INSL6: variants seen among roughly 807,000 people sequenced by gnomAD.
INSL6 encodes insulin-like peptide INSL6.
INSL6 carries 16 observed loss-of-function variants against 9.4 expected under a neutral mutation model. The ratio of observed to expected loss-of-function variants is 1.70; its 90% CI spans 1.15 to 2.59. INSL6 has a LOEUF of 2.59. Ranked by LOEUF, INSL6 falls within the 30% of genes most tolerant of loss-of-function variation. INSL6 has a pLI of 0.00. For synonymous variants in INSL6, 154 were observed against 96.9 expected (o/e 1.59, Z -3.46); for missense variants, 391 against 257.3 (o/e 1.52, Z -3.56).
intron 3 of INSL6, among the ~76,000 whole-genome samples, chr9:5,125,617 G>A (rs1455644531): frequency 6.9e-6 from 1 of 145,946 alleles, no homozygotes; most frequent in African/African-American, 2.6e-5. Context: ...TATCTCAACA[G>A]CAATGCATAG....
chr9:5,039,963 C>A, the INSL6 span, among the ~76,000 whole-genome samples: 1 of 152,080 alleles, frequency 6.6e-6, no homozygotes. Flanking sequence ...ACAGGTTAAT[C>A]ATAAATTTAT....
the INSL6 span, chr9:5,100,140 T>G: frequency 2.6e-5 from 4 of 152,244 alleles, no homozygotes; most frequent in African/African-American, 9.6e-5. Context: ...CTTTTATTAT[T>G]CTAATCCTAC....
chr9:5,093,261 C>A, the INSL6 span, among the ~76,000 whole-genome samples: 1 of 152,130 alleles, frequency 6.6e-6, no homozygotes, highest in Non-Finnish European at 1.5e-5. Context: ...AAAAGGAACT[C>A]GGCAAATCTT....
the INSL6 span, among the ~76,000 whole-genome samples, chr9:5,079,414 G>C: frequency 6.6e-6 from 1 of 151,936 alleles, no homozygotes; most frequent in Non-Finnish European, 1.5e-5. Context: ...TTTGAGCAGA[G>C]CCCACCTATA....
chr9:5,106,198 T>C, the INSL6 span, among the ~76,000 whole-genome samples: 1 of 151,910 alleles, frequency 6.6e-6, no homozygotes, highest in African/African-American at 2.4e-5. Context: ...TACAAAGAAA[T>C]TTACAAGAAA....
chr9:5,116,972 T>C, the INSL6 span, among the ~76,000 whole-genome samples: 18 of 152,194 alleles, frequency 1.2e-4, no homozygotes, highest in South Asian at 2.1e-4. Context: ...ATTTCAACGA[T>C]TGGTTGAATT....
the INSL6 span, among the ~76,000 whole-genome samples, chr9:5,091,984 G>A: frequency 1.1e-4 from 17 of 152,228 alleles, no homozygotes; most frequent in South Asian, 4.1e-4. Flanking sequence ...GGAATCCGGC[G>A]AAGATACTGC....
At chr9:5,153,858 G>A (rs1427139838) in intron 2 of INSL6, among the ~76,000 whole-genome samples, 1 of 152,138 alleles carries the variant, frequency 6.6e-6, no homozygotes, top group East Asian at 1.9e-4. Flanking sequence ...CCATGCTCAT[G>A]GATAGAAAGA....
At chr9:5,126,949 G>GT (rs1824040806) in intron 3 of INSL6, 1 of 411,972 alleles carries the variant, frequency 2.4e-6, no homozygotes, top group Non-Finnish European at 4.3e-6. Context: ...TCAAAGTTTA[G>GT]TAAGTTTTTC....
the INSL6 span, chr9:5,041,060 C>A: frequency 1.5e-6 from 1 of 687,178 alleles, no homozygotes; most frequent in Non-Finnish European, 2.6e-6. Flanking sequence ...CCATAGAGGG[C>A]GTCCCTCAGG....
chr9:5,108,647 T>A, the INSL6 span: 2 of 152,108 alleles, frequency 1.3e-5, no homozygotes, highest in Non-Finnish European at 2.9e-5. Context: ...GCGGCTGCGG[T>A]ATAATACGGC....
At chr9:5,094,979 C>T in the INSL6 span, 1 of 152,130 alleles carries the variant, frequency 6.6e-6, no homozygotes, top group African/African-American at 2.4e-5. Context: ...GCATATATCT[C>T]AATGCCTTTC....
intron 1 of INSL6, among the ~76,000 whole-genome samples, chr9:5,170,401 G>T (rs1825153540): frequency 6.6e-6 from 1 of 152,050 alleles, no homozygotes; most frequent in Admixed American, 6.6e-5. Context: ...CAAAAAGGTA[G>T]ATCTCAAATC....
At chr9:5,094,289 C>G in the INSL6 span, 1 of 152,202 alleles carries the variant, frequency 6.6e-6, no homozygotes, top group Non-Finnish European at 1.5e-5. Flanking sequence ...CCCTTTATAT[C>G]ATTGCCTCCA....
At chr9:5,064,530 A>G in the INSL6 span, among the ~76,000 whole-genome samples, 39 of 152,056 alleles carry the variant, frequency 2.6e-4, no homozygotes, top group Non-Finnish European at 4.0e-4. Context: ...ACTCTCAAAA[A>G]AAAAAAAAAA....
At chr9:5,032,930 A>G in the INSL6 span, among the ~76,000 whole-genome samples, 2 of 152,252 alleles carry the variant, frequency 1.3e-5, 1 homozygote, top group Non-Finnish European at 2.9e-5. Context: ...AGAAGGCTTC[A>G]GACGATCAAA....
At chr9:5,153,089 G>C (rs1045473158) in intron 2 of INSL6, among the ~76,000 whole-genome samples, 14 of 151,634 alleles carry the variant, frequency 9.2e-5, no homozygotes, top group Non-Finnish European at 5.9e-5. Flanking sequence ...AGGGCCCAGG[G>C]TTTCCAGCAC....
the INSL6 span, among the ~76,000 whole-genome samples, chr9:5,032,505 G>C: frequency 1.3e-5 from 2 of 152,200 alleles, no homozygotes; most frequent in Admixed American, 6.5e-5. Context: ...CAAGTAGGGG[G>C]AGACTGACAC....
chr9:5,148,180 T>C (rs1824639617), intron 2 of INSL6, among the ~76,000 whole-genome samples: 1 of 152,178 alleles, frequency 6.6e-6, no homozygotes, highest in Admixed American at 6.5e-5. Context: ...CCTTCAATTG[T>C]GGTATAAACT....
Sources: allele counts gnomAD v4.1 joint callset (sites outside exome capture counted in the v4.1 genomes callset), GRCh38; gene constraint gnomAD v4.1.1; transcripts MANE v1.5; gene names NCBI Gene and HGNC (gene_info 2026-07-23, HGNC 2026-07-21).